TRNT1: variants seen among roughly 807,000 people sequenced by gnomAD.
TRNT1 encodes tRNA nucleotidyl transferase 1.
In TRNT1, 44 loss-of-function variants were observed where a neutral mutation model predicts 45.6. The observed-to-expected ratio is 0.97, with a 90% CI of 0.76 to 1.24. The LOEUF (loss-of-function observed/expected upper bound fraction) is 1.24, where lower values mean the gene tolerates loss of function less well. TRNT1 is among the 50% of genes most tolerant of loss of function. The pLI is 0.00. For missense variants in TRNT1, 633 were observed against 504.4 expected (o/e 1.25, Z -2.44); for synonymous variants, 201 against 171.4 (o/e 1.17, Z -1.35).
At chr3:3,150,517 GA>G (rs1706449007), downstream of TRNT1, 2 of 207,156 alleles carry the variant, frequency 9.7e-6, no homozygotes, top group African/African-American at 2.5e-5. Context: ...AGGAATTTAA[GA>G]TTTTTTTTTT....
chr3:3,141,320 G>A (rs1475843518), intron 4 of TRNT1, among the ~76,000 whole-genome samples: 1 of 150,672 alleles, frequency 6.6e-6, no homozygotes, highest in Non-Finnish European at 1.5e-5. Context: ...CATGGTACAT[G>A]TACATACTCC....
chr3:3,151,205 T>C (rs1201586905), downstream of TRNT1, among the ~76,000 whole-genome samples: 4 of 152,216 alleles, frequency 2.6e-5, no homozygotes, highest in African/African-American at 9.7e-5. Context: ...TAAAAACATT[T>C]CTAAAAACAT....
At chr3:3,149,716 T>C (rs573181181), downstream of TRNT1, 1 of 152,272 alleles carries the variant, frequency 6.6e-6, no homozygotes, top group East Asian at 1.9e-4. Context: ...GGAAGTATTC[T>C]TGAATTTTCA....
intron 3 of TRNT1, among the ~76,000 whole-genome samples, chr3:3,138,041 T>A (rs375894773): frequency 7.9e-5 from 12 of 152,340 alleles, no homozygotes; most frequent in African/African-American, 2.6e-4. Context: ...TTAAACACAT[T>A]ATATCAAGTT....
chr3:3,149,517 G>A (rs1045370085), downstream of TRNT1: 2 of 152,102 alleles, frequency 1.3e-5, no homozygotes, highest in Non-Finnish European at 2.9e-5. Context: ...GTAACTCATT[G>A]CAACTGGTTT....
intron 3 of TRNT1, among the ~76,000 whole-genome samples, chr3:3,137,662 G>A (rs978407808): frequency 2.6e-5 from 4 of 151,906 alleles, no homozygotes; most frequent in African/African-American, 9.7e-5. Context: ...TGTATGCTAC[G>A]GGTATTTACT....
chr3:3,151,912 C>A (rs1669344), downstream of TRNT1, among the ~76,000 whole-genome samples: 2 of 152,152 alleles, frequency 1.3e-5, no homozygotes, highest in Non-Finnish European at 2.9e-5. Flanking sequence ...TGTAAACATT[C>A]TCCGGTTTTA....
Position 3,146,563 on chromosome 3 carries a change from G to T in TRNT1, c.742G>T (p.Gly248Cys), listed in dbSNP as rs1438102216. 6.2e-7 allele frequency: 1 copy of T among 1,613,792 alleles called. No homozygotes were observed. The highest frequency in any genetic ancestry group is 8.5e-7 in the Non-Finnish European group (1 of 1,179,878). The change falls in exon 6 of 8, where the codon GGT (glycine) becomes TGT (cysteine). Residue 248 changes from glycine (G) to cysteine (C), a missense_variant. Transcript: ENST00000251607. ...IWVELKKILVGNHVNHLIHLI... is the reference protein window; with the variant it reads ...IWVELKKILVCNHVNHLIHLI... ...GGTGGAACTGAAAAAAATTCTTGTT[G>T]GTAACCATGTAAATCATTTGATTCA...
downstream of TRNT1, chr3:3,149,574 T>G (rs554644358): frequency 7.1e-6 from 1 of 140,550 alleles, no homozygotes; most frequent in South Asian, 2.1e-4. Context: ...AGGAACTTCC[T>G]GGAGTAAGTA....
At position 3,147,567 on chromosome 3, in the gene TRNT1, C is replaced by G; in HGVS notation, c.920C>G (p.Thr307Arg). The change falls in exon 7 of 8, where the codon ACA becomes AGA. Residue 307 changes from threonine to arginine, a missense_variant. Coordinates refer to ENST00000251607, the MANE Select transcript of TRNT1 (RefSeq NM_182916.3). ...ASLFKVQDDV[T>R]KLDLRLKIAK... ...TTATTCAAAGTACAAGATGATGTCA[C>G]AAAATTGGATTTGAGGTTGAAGATC... 1 of 1,613,854 alleles carries G rather than the reference C, an allele frequency of 6.2e-7. No homozygotes were observed.
chr3:3,139,715 CTCTT>C (rs1282568369), intron 3 of TRNT1, among the ~76,000 whole-genome samples: 1 of 152,070 alleles, frequency 6.6e-6, no homozygotes, highest in Non-Finnish European at 1.5e-5. Context: ...ATAGAGGTAA[CTCTT>C]TATTTTAATT....
chr3:3,140,773 A>G, intron 4 of TRNT1, 125 bp downstream of exon 4: 1 of 1,257,608 alleles, frequency 8.0e-7, no homozygotes, highest in Non-Finnish European at 1.1e-6. Flanking sequence ...GAGATGGTTT[A>G]GCAGATTGCT....
Position 3,146,612 on chromosome 3 carries a change from C to A in TRNT1, c.791C>A (p.Ala264Asp). Reference sequence around the variant, plus strand: ...CACCTTATCTATGATCTTGATGTGGCTCCTTATATAGGTGAGAGCAAGTTA... The same window carrying A: ...CACCTTATCTATGATCTTGATGTGGATCCTTATATAGGTGAGAGCAAGTTA... ...LIHLIYDLDV[A>D]PYIGLPANAS... The change falls in exon 6 of 8, where the codon GCT becomes GAT. Residue 264 changes from alanine to aspartate, a missense_variant. Transcript: ENST00000251607. The A allele has an allele frequency of 6.2e-7, 1 of 1,609,962 alleles. No homozygotes were observed. Among genetic ancestry groups the A allele is most frequent in the Non-Finnish European group, 8.5e-7 (1 of 1,178,174 alleles).
intron 4 of TRNT1, among the ~76,000 whole-genome samples, chr3:3,142,826 GATC>G (rs1705740555): frequency 2.6e-5 from 4 of 152,112 alleles, no homozygotes. Flanking sequence ...GCTACTTTGT[GATC>G]ATATTTTTGC....
At chr3:3,150,398 T>C (rs3933095), downstream of TRNT1, 1,674 of 154,002 alleles carry the variant, frequency 0.011, 30 homozygotes, top group Middle Eastern at 0.027. Flanking sequence ...CTTGCTTCTT[T>C]CCAAAAGGAA....
chr3:3,147,932 TG>T lies in TRNT1; in HGVS notation c.1084del (p.Val362TyrfsTer5), dbSNP rs1706169035. ...DSREPDATTR[V>X]CELLKYQGEH... ...CTAGGGAACCTGATGCAACTACTCGTGTATGTGAACTACTGAAGTACCAAGG... is the reference window on the plus strand; with the variant it reads ...CTAGGGAACCTGATGCAACTACTCGTTATGTGAACTACTGAAGTACCAAGG... On this transcript the variant is annotated frameshift_variant, in exon 8 of 8. Coordinates refer to ENST00000251607, the MANE Select transcript of TRNT1 (RefSeq NM_182916.3). LOFTEE classifies it high-confidence loss of function. 1 of 1,613,562 alleles carries T rather than the reference TG, an allele frequency of 6.2e-7. No individual in the cohort carries two copies. The highest frequency in any genetic ancestry group is 1.7e-5 in the Admixed American group (1 of 59,954).
At chr3:3,131,321 C>T (rs1023495546) in intron 2 of TRNT1, 1 of 152,082 alleles carries the variant, frequency 6.6e-6, no homozygotes, top group Non-Finnish European at 1.5e-5. Flanking sequence ...TTGCAAGAGG[C>T]CTCTTGGAAG....
At position 3,137,270 on chromosome 3, in the gene TRNT1, C is replaced by CAAAG. The variant is rs1421591155; in HGVS notation, c.161_164dup (p.Asn56ArgfsTer63). ...TTTCTCTCATCTCAGAATTATTTGT[C>CAAAG]AAAGAGAATCACGAATTAAGAATAG... On this transcript the variant is annotated frameshift_variant, in exon 3 of 8. Transcript: ENST00000251607. LOFTEE classifies it high-confidence loss of function. 6 of 1,584,876 alleles carry CAAAG rather than the reference C, an allele frequency of 3.8e-6. No individual in the cohort carries two copies. The highest frequency in any genetic ancestry group is 5.1e-6 in the Non-Finnish European group (6 of 1,169,078).
intron 4 of TRNT1, 173 bp downstream of exon 4, chr3:3,140,821 G>A (rs1173304438): frequency 9.1e-6 from 6 of 659,362 alleles, no homozygotes; most frequent in East Asian, 3.4e-5. Flanking sequence ...GGTGGGTCAC[G>A]CCTGTAATCC....
Sources: allele counts gnomAD v4.1 joint callset (sites outside exome capture counted in the v4.1 genomes callset), GRCh38; gene constraint gnomAD v4.1.1; transcripts MANE v1.5; gene names NCBI Gene and HGNC (gene_info 2026-07-23, HGNC 2026-07-21).